SPNS3: variants seen among roughly 807,000 people sequenced by gnomAD.
SPNS3 encodes the protein protein spinster homolog 3.
A neutral mutation model predicts 54.4 loss-of-function variants in SPNS3; 51 were observed. That is an observed-to-expected ratio of 0.94 (90% CI 0.75 to 1.18). The LOEUF (loss-of-function observed/expected upper bound fraction) is 1.18. Ranked by LOEUF, SPNS3 falls within the 50% of genes most tolerant of loss-of-function variation. The pLI is 0.00. For synonymous variants in SPNS3, 309 were observed against 294.7 expected, an observed-to-expected ratio of 1.05 and a Z score of -0.50; for missense variants, 669 against 677.4, an observed-to-expected ratio of 0.99 and a Z score of 0.14.
In SPNS3 at chr17:4,486,666, C is replaced by T. The variant is rs1972327092; in HGVS notation, c.1450+83C>T. On this transcript the variant is annotated intron_variant, in intron 11 of 11. Coordinates refer to ENST00000355530, the MANE Select transcript of SPNS3 (RefSeq NM_182538.5). The surrounding 1 kb of genome is among the most constrained non-coding windows in gnomAD (Gnocchi z 5.5). ...ACTGGCCACCCCCTGAATCCCTGGCCAGTTTGTTTGTTCATTCATCCAGAA... is the reference window on the plus strand; with the variant it reads ...ACTGGCCACCCCCTGAATCCCTGGCTAGTTTGTTTGTTCATTCATCCAGAA... 7.0e-7 allele frequency: 1 copy of T among 1,418,584 alleles called. No homozygotes were observed. Among genetic ancestry groups the T allele is most frequent in the Non-Finnish European group, 9.5e-7 (1 of 1,050,942 alleles). The allele number at this position is 1,418,584 out of a possible 1,614,324, so 87.9% of individuals were successfully genotyped here. A position where few individuals can be genotyped will look rare whatever the true frequency, so the allele number is the denominator to read the frequency against.
At chr17:4,476,613 G>C (rs374637929) in intron 8 of SPNS3, among the ~76,000 whole-genome samples, 1 of 152,162 alleles carries the variant, frequency 6.6e-6, no homozygotes, top group African/African-American at 2.4e-5. Flanking sequence ...GGAGGCAGCT[G>C]GCAGACCCTG....
At chr17:4,458,804 C>T (rs543484590) in intron 8 of SPNS3, among the ~76,000 whole-genome samples, 3 of 151,688 alleles carry the variant, frequency 2.0e-5, no homozygotes, top group African/African-American at 7.3e-5. Context: ...AGGCATGTGT[C>T]ACTGTGCCTG....
chr17:4,470,437 T>C (rs1259274160), intron 8 of SPNS3, among the ~76,000 whole-genome samples: 1 of 151,932 alleles, frequency 6.6e-6, no homozygotes. Flanking sequence ...TAAAATAATA[T>C]TAGTAATAAT....
At chr17:4,443,875 C>A (rs149761001) in intron 2 of SPNS3, among the ~76,000 whole-genome samples, 1 of 152,176 alleles carries the variant, frequency 6.6e-6, no homozygotes, top group African/African-American at 2.4e-5. Flanking sequence ...CCGAGGTGGG[C>A]GGATCCCTTG....
intron 8 of SPNS3, among the ~76,000 whole-genome samples, chr17:4,459,335 G>A (rs566243840): frequency 5.3e-5 from 8 of 152,260 alleles, no homozygotes; most frequent in East Asian, 3.9e-4. Context: ...GTGAAGAGTC[G>A]AGTGACAAAC....
In SPNS3 at chr17:4,449,365, G is replaced by A. The variant is rs1406082345; in HGVS notation, c.901G>A (p.Glu301Lys). ...VHGLQPPCFQ[E>K]PCSNPDSLIF... is the part of the protein sequence containing the mutation. ...CGGGCTGCAGCCTCCCTGCTTCCAG[G>A]AGCCGTGCAGCAACCCCGACAGGTG... The change falls in exon 7 of 12, where the codon GAG (glutamate) becomes AAG (lysine). Residue 301 changes from glutamate to lysine, a missense_variant. Transcript: ENST00000355530. The A allele has an allele frequency of 1.9e-6, 3 of 1,604,932 alleles. No individual in the cohort carries two copies. The highest frequency in any genetic ancestry group is 2.5e-6 in the Non-Finnish European group (3 of 1,178,696).
chr17:4,486,092 G>A lies in SPNS3; in HGVS notation c.1180-136G>A. ...GTTCTGGGGTGGGACTTTAGACCTT[G>A]GGGACCGTCGACTCCCTCCCATCCC... On this transcript the variant is annotated intron_variant, in intron 9 of 11. Transcript: ENST00000355530. The surrounding 1 kb of genome is among the most constrained non-coding windows in gnomAD (Gnocchi z 5.5). The A allele has an allele frequency of 1.5e-6, 1 of 668,146 alleles. No homozygotes were observed. Among genetic ancestry groups the A allele is most frequent in the Non-Finnish European group, 2.4e-6 (1 of 423,976 alleles). 41.4% of individuals were successfully genotyped at this position (668,146 alleles called of 1,614,324 possible).
At chr17:4,454,173 A>C (rs1267854237) in intron 8 of SPNS3, among the ~76,000 whole-genome samples, 1 of 152,172 alleles carries the variant, frequency 6.6e-6, no homozygotes, top group Non-Finnish European at 1.5e-5. Context: ...TGAGGCACCA[A>C]GGTTTATGGG....
chr17:4,479,607 C>G (rs1387405743), intron 9 of SPNS3, among the ~76,000 whole-genome samples: 1 of 152,214 alleles, frequency 6.6e-6, no homozygotes, highest in Admixed American at 6.5e-5. Flanking sequence ...ACCCTGAGAG[C>G]CTTCCTTCTG....
intron 8 of SPNS3, among the ~76,000 whole-genome samples, chr17:4,471,456 T>C (rs1971852043): frequency 6.6e-6 from 1 of 152,142 alleles, no homozygotes; most frequent in Admixed American, 6.6e-5. Flanking sequence ...TGAGATTGTC[T>C]TTTCTTTGAT....
chr17:4,448,661 T>A (rs1194418998), intron 6 of SPNS3, among the ~76,000 whole-genome samples: 1 of 152,238 alleles, frequency 6.6e-6, no homozygotes, highest in Admixed American at 6.5e-5. Context: ...GCTGGGAGGA[T>A]GCTGGGAATT....
Position 4,449,269 on chromosome 17 carries a change from GCC to G in SPNS3, c.806_807del (p.Ala269AspfsTer72). ...SFVWSTLGVTAMAFVTGALGF... is the reference protein window; with the variant it reads ...SFVWSTLGVTXMAFVTGALGF... Reference sequence around the variant, plus strand: ...CGTGTGGTCGACCCTCGGAGTGACCGCCATGGCCTTTGTGACTGGAGCCCTGG... The same window carrying G: ...CGTGTGGTCGACCCTCGGAGTGACCGATGGCCTTTGTGACTGGAGCCCTGG... On this transcript the variant is annotated frameshift_variant, in exon 7 of 12. Coordinates refer to ENST00000355530, the MANE Select transcript of SPNS3 (RefSeq NM_182538.5). LOFTEE classifies it high-confidence loss of function. 6.2e-7 allele frequency: 1 copy of G among 1,612,310 alleles called. No homozygotes were observed. The highest frequency in any genetic ancestry group is 8.5e-7 in the Non-Finnish European group (1 of 1,179,884).
At chr17:4,452,198 G>A (rs562944178) in intron 7 of SPNS3, among the ~76,000 whole-genome samples, 1 of 152,180 alleles carries the variant, frequency 6.6e-6, no homozygotes, top group East Asian at 1.9e-4. Flanking sequence ...CTGAGCTCAA[G>A]CGATCCTCCC....
chr17:4,479,582 C>T (rs1972101538), intron 9 of SPNS3, among the ~76,000 whole-genome samples: 1 of 152,246 alleles, frequency 6.6e-6, no homozygotes, highest in African/African-American at 2.4e-5. Flanking sequence ...AACGCAGGGC[C>T]CTGGGCCTGT....
chr17:4,482,752 G>A (rs1233736968), intron 9 of SPNS3, among the ~76,000 whole-genome samples: 1 of 152,080 alleles, frequency 6.6e-6, no homozygotes, highest in Non-Finnish European at 1.5e-5. Flanking sequence ...CCGAAACCTA[G>A]TCATGAGGTC....
chr17:4,459,584 G>T (rs1197557441), intron 8 of SPNS3, among the ~76,000 whole-genome samples: 3 of 152,126 alleles, frequency 2.0e-5, no homozygotes, highest in Non-Finnish European at 4.4e-5. Context: ...ATGGTGGTGT[G>T]TGCCTGTGGT....
At chr17:4,480,732 G>C (rs1972127923) in intron 9 of SPNS3, among the ~76,000 whole-genome samples, 1 of 152,180 alleles carries the variant, frequency 6.6e-6, no homozygotes. Context: ...CCCATTTGGG[G>C]AGCTGCCCAG....
chr17:4,486,630 G>GGACA lies in SPNS3; in HGVS notation c.1450+53_1450+56dup. ...GCCCGGCTCAGGGCCGGCACCCTAGGGACAGACAGCACTGGCCACCCCCTG... is the reference window on the plus strand; with the variant it reads ...GCCCGGCTCAGGGCCGGCACCCTAGGGACAGACAGACAGCACTGGCCACCCCCTG... On this transcript the variant is annotated intron_variant, in intron 11 of 11. Transcript: ENST00000355530. This position sits in a 1 kb window ranked among gnomAD's most constrained non-coding sequence, Gnocchi z 5.5. 1.3e-6 allele frequency: 2 copies of GGACA among 1,563,706 alleles called. No individual in the cohort carries two copies. Among genetic ancestry groups the GGACA allele is most frequent in the Non-Finnish European group, 1.7e-6 (2 of 1,153,598 alleles).
At chr17:4,436,575 T>C (rs987042632) in intron 1 of SPNS3, among the ~76,000 whole-genome samples, 1 of 151,488 alleles carries the variant, frequency 6.6e-6, no homozygotes, top group African/African-American at 2.4e-5. Flanking sequence ...CCCTCTAGCC[T>C]GAGTGACAGA....
Sources: allele counts gnomAD v4.1 joint callset (sites outside exome capture counted in the v4.1 genomes callset), GRCh38; gene constraint gnomAD v4.1.1; non-coding constraint Gnocchi (gnomAD v3.1); transcripts MANE v1.5; gene names NCBI Gene and HGNC (gene_info 2026-07-23, HGNC 2026-07-21).